Variants in FAM135B observed in about 807,000 individuals in gnomAD.
FAM135B encodes the protein family with sequence similarity 135 member B, also known as protein FAM135B.
Under a neutral mutation model 127.7 loss-of-function variants are expected in FAM135B, and 43 were observed. The observed-to-expected ratio is 0.34, with a 90% CI of 0.26 to 0.43. FAM135B has a LOEUF of 0.43. Among genes scored for constraint, FAM135B ranks in the 20% least tolerant of loss-of-function variants. The pLI, the probability that FAM135B is intolerant of heterozygous loss-of-function variation, is 1.00. For synonymous variants in FAM135B, 670 were observed against 665.1 expected (o/e 1.01, Z -0.11); for missense variants, 1,558 against 1,725.6 (o/e 0.90, Z 1.72).
chr8:138,377,658 CA>C (rs1277705221), intron 1 of FAM135B, among the ~76,000 whole-genome samples: 1 of 152,150 alleles, frequency 6.6e-6, no homozygotes, highest in African/African-American at 2.4e-5. Flanking sequence ...AATGAAATTT[CA>C]ATGAGTTTTG....
At position 138,153,471 on chromosome 8, in the gene FAM135B, G is replaced by C. The variant is rs192765305; in HGVS notation, c.1259-255C>G. On this transcript the variant is annotated intron_variant, in intron 12 of 19. Coordinates refer to ENST00000395297, the MANE Select transcript of FAM135B (RefSeq NM_015912.4). The stretch of plus-strand genomic sequence containing the variant: ...AGTGAGTGCAGCCCACGGAGTGTGA[G>C]ACAAAGCAGGGCGGGGCATCACCTC... Among the ~76,000 whole-genome samples the C allele has an allele frequency of 2.0e-5, 3 of 152,248 alleles. No individual in the cohort carries two copies. The East Asian group carries it at 5.8e-4, about 30-fold the overall frequency.
intron 2 of FAM135B, among the ~76,000 whole-genome samples, chr8:138,354,972 T>C (rs1488678966): frequency 6.6e-6 from 1 of 152,120 alleles, no homozygotes; most frequent in East Asian, 1.9e-4. Flanking sequence ...TAACTCGTCA[T>C]TTACATTAGG....
chr8:138,308,859 C>T (rs1049294486), intron 3 of FAM135B: 4 of 281,958 alleles, frequency 1.4e-5, no homozygotes, highest in East Asian at 1.9e-4. Flanking sequence ...GCATGGCTTT[C>T]ATCAGGTTGG....
chr8:138,458,002 A>C lies in FAM135B; in HGVS notation c.-20+38669T>G, dbSNP rs369416159. 3.6e-4 allele frequency among the ~76,000 whole-genome samples: 54 copies of C among 152,018 alleles called. 1 individual carries two copies. Among genetic ancestry groups the C allele is most frequent in the Middle Eastern group, 3.4e-3 (1 of 292 alleles). On this transcript the variant is annotated intron_variant, in intron 1 of 19. Coordinates refer to ENST00000395297, the MANE Select transcript of FAM135B (RefSeq NM_015912.4). ...AAAAAAAAAAAAAAAGAGAGAGAAAAAAACTTAGCTGGATGTGGCACACGC... is the reference window on the plus strand; with the variant it reads ...AAAAAAAAAAAAAAAGAGAGAGAAACAAACTTAGCTGGATGTGGCACACGC...
chr8:138,331,394 A>G (rs73438157), intron 2 of FAM135B, among the ~76,000 whole-genome samples: 84 of 152,276 alleles, frequency 5.5e-4, no homozygotes, highest in African/African-American at 1.8e-3. Context: ...TGGCTCTTCT[A>G]TTTTTAGGAT....
chr8:138,247,952 C>A (rs1418888022), intron 6 of FAM135B, among the ~76,000 whole-genome samples: 1 of 152,220 alleles, frequency 6.6e-6, no homozygotes, highest in Non-Finnish European at 1.5e-5. Flanking sequence ...AGAAAGATTT[C>A]TCTCATGTCC....
intron 1 of FAM135B, among the ~76,000 whole-genome samples, chr8:138,432,158 C>G (rs1264993534): frequency 6.6e-6 from 1 of 152,158 alleles, no homozygotes; most frequent in African/African-American, 2.4e-5. Flanking sequence ...AGAGGAGAGA[C>G]TACTGGACCC....
intron 6 of FAM135B, among the ~76,000 whole-genome samples, chr8:138,244,465 C>A (rs1441776280): frequency 1.3e-5 from 2 of 152,170 alleles, no homozygotes; most frequent in Non-Finnish European, 2.9e-5. Flanking sequence ...GATACCAGCA[C>A]CCTAGCCATT....
At chr8:138,224,485 G>A (rs968090859) in intron 7 of FAM135B, among the ~76,000 whole-genome samples, 2 of 152,050 alleles carry the variant, frequency 1.3e-5, no homozygotes, top group African/African-American at 4.8e-5. Flanking sequence ...CGCCCAGGCT[G>A]GAATGCAGAG....
chr8:138,390,246 A>G (rs1219958650), intron 1 of FAM135B, among the ~76,000 whole-genome samples: 1 of 151,998 alleles, frequency 6.6e-6, no homozygotes, highest in African/African-American at 2.4e-5. Context: ...CATAACTCCT[A>G]TGTGTTGTGG....
At chr8:138,445,650 A>G (rs955910774) in intron 1 of FAM135B, among the ~76,000 whole-genome samples, 1 of 152,226 alleles carries the variant, frequency 6.6e-6, no homozygotes, top group Non-Finnish European at 1.5e-5. Flanking sequence ...GATGGGACGT[A>G]TCTCAAAATA....
rs1217110930 is a variant in FAM135B, at chr8:138,222,655, T to C, written c.669+20287A>G. Among the ~76,000 whole-genome samples, 6 of 150,900 alleles carry C rather than the reference T, an allele frequency of 4.0e-5. No homozygotes were observed. In the Middle Eastern group the frequency reaches 0.014, roughly 342 times the overall value. ...TGTGGTGGGGTTTTTTGTTTGTTTG[T>C]TTGTAGGATTTTTGTTGGTGGTGTT... is the stretch of plus-strand genomic sequence containing the variant. On this transcript the variant is annotated intron_variant, in intron 7 of 19. Coordinates refer to ENST00000395297, the MANE Select transcript of FAM135B (RefSeq NM_015912.4).
chr8:138,383,089 C>T (rs1309797966), intron 1 of FAM135B, among the ~76,000 whole-genome samples: 1 of 152,200 alleles, frequency 6.6e-6, no homozygotes, highest in Non-Finnish European at 1.5e-5. Context: ...TATTCCCAAC[C>T]TCAAAAGTGT....
At chr8:138,493,263 C>G (rs1815270994) in intron 1 of FAM135B, among the ~76,000 whole-genome samples, 1 of 152,066 alleles carries the variant, frequency 6.6e-6, no homozygotes, top group Admixed American at 6.5e-5. Flanking sequence ...TAAGATCAGA[C>G]TTGAATCTGA....
chr8:138,359,810 G>A (rs1312337687), intron 2 of FAM135B, among the ~76,000 whole-genome samples: 1 of 152,082 alleles, frequency 6.6e-6, no homozygotes, highest in Non-Finnish European at 1.5e-5. Context: ...GGCAGTGATG[G>A]GACACATCAG....
chr8:138,461,546 G>A (rs879762348), intron 1 of FAM135B, among the ~76,000 whole-genome samples: 10 of 152,122 alleles, frequency 6.6e-5, no homozygotes, highest in Admixed American at 6.5e-4. Flanking sequence ...TCCATGTCAA[G>A]GTATGCAAAT....
At chr8:138,388,210 G>T (rs143963476) in intron 1 of FAM135B, among the ~76,000 whole-genome samples, 181 of 152,232 alleles carry the variant, frequency 1.2e-3, no homozygotes, top group African/African-American at 4.1e-3. Flanking sequence ...ACTACATGTC[G>T]ATTAGAAGTG....
intron 1 of FAM135B, among the ~76,000 whole-genome samples, chr8:138,386,259 A>C (rs556094628): frequency 7.9e-5 from 12 of 152,216 alleles, no homozygotes; most frequent in African/African-American, 2.2e-4. Context: ...CAACAAACAA[A>C]CAACCAAACA....
intron 1 of FAM135B, chr8:138,436,721 T>G (rs1305318715): frequency 6.6e-6 from 1 of 152,228 alleles, no homozygotes; most frequent in Non-Finnish European, 1.5e-5. Context: ...AGTGTGAGCA[T>G]AGCAGGAAGA....
Sources: gnomAD v4.1 joint callset for allele counts (sites outside exome capture counted in the v4.1 genomes callset) on GRCh38, gnomAD v4.1.1 for gene constraint, MANE v1.5 for transcripts, NCBI Gene and HGNC (gene_info 2026-07-23, HGNC 2026-07-21) for gene names.